The following MGRN1 variants were observed in gnomAD, a reference collection of about 807,000 sequenced individuals.
MGRN1 encodes mahogunin ring finger 1, also known as E3 ubiquitin-protein ligase MGRN1.
In MGRN1, 29 loss-of-function variants were observed where a neutral mutation model predicts 69.2. The observed-to-expected ratio is 0.42, with a 90% CI of 0.31 to 0.57. The LOEUF (loss-of-function observed/expected upper bound fraction) is 0.57. Ranked by LOEUF, MGRN1 falls within the 20% of genes least tolerant of loss-of-function variation. The pLI, the probability that MGRN1 is intolerant of heterozygous loss-of-function variation, is 0.15. For synonymous variants in MGRN1, 470 were observed against 344.2 expected, an observed-to-expected ratio of 1.37 and a Z score of -4.04; for missense variants, 998 against 796.2, an observed-to-expected ratio of 1.25 and a Z score of -3.05.
intron 1 of MGRN1, among the ~76,000 whole-genome samples, chr16:4,625,938 C>T (rs557878115): frequency 1.4e-4 from 22 of 152,334 alleles, no homozygotes; most frequent in African/African-American, 5.3e-4. Flanking sequence ...GATCTGATGT[C>T]TCAGTCTCCT....
chr16:4,640,572 G>A (rs1021876117), intron 1 of MGRN1: 1 of 152,332 alleles, frequency 6.6e-6, no homozygotes, highest in Non-Finnish European at 1.5e-5. Context: ...CTTTGTTTTA[G>A]TGGTGTTCGA....
chr16:4,661,902 T>C (rs28427339), intron 5 of MGRN1, among the ~76,000 whole-genome samples: 1 of 152,186 alleles, frequency 6.6e-6, no homozygotes, highest in East Asian at 1.9e-4. Flanking sequence ...CATTCTGGTC[T>C]GAATGGAACT....
chr16:4,668,806 G>A (rs920174249), intron 8 of MGRN1, among the ~76,000 whole-genome samples: 2 of 148,150 alleles, frequency 1.3e-5, no homozygotes, highest in African/African-American at 2.5e-5. Context: ...ATACACACAC[G>A]TATACAGACA....
At chr16:4,688,499 C>T (rs557833598) in intron 16 of MGRN1, 148 of 1,188,866 alleles carry the variant, frequency 1.2e-4, no homozygotes, top group Non-Finnish European at 1.4e-4. Flanking sequence ...GGGCAGGAGG[C>T]CCAGAGGGCA....
intron 4 of MGRN1, among the ~76,000 whole-genome samples, chr16:4,654,940 A>G (rs1254200457): frequency 6.6e-6 from 1 of 152,184 alleles, no homozygotes; most frequent in Admixed American, 6.5e-5. Context: ...TTGAGGCTCT[A>G]CCTTGCCCCG....
intron 10 of MGRN1, among the ~76,000 whole-genome samples, chr16:4,676,739 G>A (rs2079061564): frequency 6.6e-6 from 1 of 152,134 alleles, no homozygotes; most frequent in South Asian, 2.1e-4. Flanking sequence ...CAGCCTGTGG[G>A]GCCCTTGTGT....
chr16:4,638,289 A>T (rs1220054942), intron 1 of MGRN1, among the ~76,000 whole-genome samples: 1 of 151,920 alleles, frequency 6.6e-6, no homozygotes, highest in Non-Finnish European at 1.5e-5. Context: ...ACATGGTGAA[A>T]CTCCGTCTCT....
Position 4,671,912 on chromosome 16 carries a change from TG to T in MGRN1, c.795+454del, listed in dbSNP as rs151304369. 3.6e-3 allele frequency among the ~76,000 whole-genome samples: 544 copies of T among 152,316 alleles called. 4 individuals carry two copies. Among genetic ancestry groups the T allele is most frequent in the Middle Eastern group, 0.01 (3 of 294 alleles). ...AGCAGGGGATGAAATTAGTTTTTTT[TG>T]TTTTTGTTTTTTGAGTCAGTCTCAC... On this transcript the variant is annotated intron_variant, in intron 9 of 16. Transcript: ENST00000262370.
chr16:4,631,142 T>C (rs1020906216), intron 1 of MGRN1, among the ~76,000 whole-genome samples: 1 of 152,212 alleles, frequency 6.6e-6, no homozygotes, highest in African/African-American at 2.4e-5. Context: ...GTTTCACTTA[T>C]GGCTTGAGAT....
In MGRN1 at chr16:4,657,368, T is replaced by C; in HGVS notation, c.561+5T>C. 2 of 1,613,364 alleles carry C rather than the reference T, an allele frequency of 1.2e-6. No individual in the cohort carries two copies. The highest frequency in any genetic ancestry group is 1.7e-6 in the Non-Finnish European group (2 of 1,179,302). ...TCGGAATGGAAGGATGACGAGGTAA[T>C]GCTGGCTGGGCGGCTCCTTGCCCTT... On this transcript the variant is annotated splice_donor_5th_base_variant and intron_variant, in intron 5 of 16. Transcript: ENST00000262370.
chr16:4,636,854 T>A (rs977843537), intron 1 of MGRN1, among the ~76,000 whole-genome samples: 5 of 152,110 alleles, frequency 3.3e-5, no homozygotes, highest in Admixed American at 2.6e-4. Context: ...GCTCAGTGGC[T>A]CACACCTGTA....
At chr16:4,687,479 A>G in intron 16 of MGRN1, 1 of 970,438 alleles carries the variant, frequency 1.0e-6, no homozygotes, top group Non-Finnish European at 1.2e-6. Flanking sequence ...TGGGGAGGTC[A>G]AGGCCCACTC....
chr16:4,642,898 C>G (rs2078193608), intron 1 of MGRN1, among the ~76,000 whole-genome samples: 1 of 151,662 alleles, frequency 6.6e-6, no homozygotes, highest in African/African-American at 2.4e-5. Flanking sequence ...GTGATCCTTC[C>G]ACCTCAGCCT....
chr16:4,644,640 C>T (rs2078237437), intron 1 of MGRN1, among the ~76,000 whole-genome samples: 2 of 152,148 alleles, frequency 1.3e-5, no homozygotes, highest in Admixed American at 6.6e-5. Flanking sequence ...ACCTTGATAA[C>T]ATCAATTAGA....
chr16:4,680,991 C>G (rs961579407), intron 12 of MGRN1, among the ~76,000 whole-genome samples: 14 of 152,260 alleles, frequency 9.2e-5, no homozygotes, highest in Admixed American at 6.5e-5. Flanking sequence ...AGAACCTGGG[C>G]ATTTTCCTTC....
chr16:4,628,056 G>A (rs1202541175), intron 1 of MGRN1, among the ~76,000 whole-genome samples: 1 of 145,782 alleles, frequency 6.9e-6, no homozygotes, highest in Non-Finnish European at 1.5e-5. Flanking sequence ...CTCCAGCCTA[G>A]GTGTCAGAGT....
At chr16:4,661,050 C>A (rs1008903830) in intron 5 of MGRN1, among the ~76,000 whole-genome samples, 4 of 152,160 alleles carry the variant, frequency 2.6e-5, no homozygotes, top group African/African-American at 9.7e-5. Flanking sequence ...GGCACAATCA[C>A]AGCTTGCCGC....
rs77250941 is a variant in MGRN1 at position 4,682,978 on chromosome 16, C to T, written c.1482+32C>T. On this transcript the variant is annotated intron_variant, in intron 14 of 16. Coordinates refer to ENST00000262370, the MANE Select transcript of MGRN1 (RefSeq NM_015246.4). Reference sequence around the variant, plus strand: ...CCCCCCCGGGGAAGCTTTGCGCACCCGCCCGGGCCAGCCCTCCTCCAGCTT... The same window carrying T: ...CCCCCCCGGGGAAGCTTTGCGCACCTGCCCGGGCCAGCCCTCCTCCAGCTT... The T allele has an allele frequency of 6.3e-4, 951 of 1,512,220 alleles. 8 individuals carry two copies. In the African/African-American group the frequency reaches 0.011, roughly 18 times the overall value. The allele number at this position is 1,512,220 out of a possible 1,614,324, so 93.7% of individuals were successfully genotyped here.
chr16:4,637,093 C>T lies in MGRN1; in HGVS notation c.88+12045C>T, dbSNP rs190700967. 1.1e-3 allele frequency among the ~76,000 whole-genome samples: 125 copies of T among 118,274 alleles called. 3 individuals are homozygous for T. The highest frequency in any genetic ancestry group is 7.9e-4 in the Admixed American group (8 of 10,154). 77.6% of individuals were successfully genotyped at this position (118,274 alleles called of 152,430 possible). A position where few individuals can be genotyped will look rare whatever the true frequency, so the allele number is the denominator to read the frequency against. On this transcript the variant is annotated intron_variant, in intron 1 of 16. Coordinates refer to ENST00000262370, the MANE Select transcript of MGRN1 (RefSeq NM_015246.4). The stretch of plus-strand genomic sequence containing the variant: ...AAGATTGCGCCACTGCACGCCAGCC[C>T]GGGCGACAGAGCAAGACTCCATCTC...
Sources: gnomAD v4.1 joint callset for allele counts (sites outside exome capture counted in the v4.1 genomes callset) on GRCh38, gnomAD v4.1.1 for gene constraint, MANE v1.5 for transcripts, NCBI Gene and HGNC (gene_info 2026-07-23, HGNC 2026-07-21) for gene names.